Variants in CROCC2 observed in about 807,000 individuals in gnomAD.
CROCC2 encodes the protein ciliary rootlet coiled-coil, rootletin family member 2.
Under a neutral mutation model 177.6 loss-of-function variants are expected in CROCC2, and 163 were observed. The observed-to-expected ratio is 0.92, with a 90% CI of 0.81 to 1.05. The LOEUF is 1.05. Among genes scored for constraint, CROCC2 ranks in the 50% least tolerant of loss-of-function variants. The pLI is 0.00. For synonymous variants in CROCC2, 904 were observed against 787.3 expected (o/e 1.15, Z -2.48); for missense variants, 1,929 against 1,797.8 (o/e 1.07, Z -1.32).
chr2:240,950,065 C>T (rs1484014049), intron 17 of CROCC2, among the ~76,000 whole-genome samples: 2 of 152,194 alleles, frequency 1.3e-5, no homozygotes, highest in African/African-American at 4.8e-5. Context: ...TGTCTTTACA[C>T]CCCTCCGTGG....
At chr2:240,991,120 C>CCCT in intron 30 of CROCC2, 76 bp from the exon 31 acceptor site, 2 of 1,083,448 alleles carry the variant, frequency 1.8e-6, no homozygotes, top group Non-Finnish European at 2.6e-6. Flanking sequence ...TGTCACAGAG[C>CCCT]CCTCCATGCC....
rs916935542 is a variant in CROCC2 at position 240,933,213 on chromosome 2, G to A, written c.1334G>A (p.Trp445Ter). The A allele has an allele frequency of 1.3e-6, 2 of 1,549,652 alleles. No individual in the cohort carries two copies. The highest frequency in any genetic ancestry group is 1.7e-6 in the Non-Finnish European group (2 of 1,146,678). The change falls in exon 10 of 32, where the codon TGG (tryptophan) becomes TAG (stop). Residue 445 changes from tryptophan to a stop codon, truncating the protein, a stop_gained. Coordinates refer to ENST00000690015, the MANE Select transcript of CROCC2 (RefSeq NM_001351305.2). LOFTEE classifies it high-confidence loss of function. Reference sequence around the variant, plus strand: ...CTGTCCGAAAGCCGGCGGGAGCTGTGGGCCGCACAGAAGCTCCAGCAGGAG... The same window carrying A: ...CTGTCCGAAAGCCGGCGGGAGCTGTAGGCCGCACAGAAGCTCCAGCAGGAG... ...EQLSESRREL[W>*]AAQKLQQERA...
In CROCC2 at chr2:240,985,754, A is replaced by G. The variant is rs566730821; in HGVS notation, c.4551+2725A>G. On this transcript the variant is annotated intron_variant, in intron 28 of 31. Coordinates refer to ENST00000690015, the MANE Select transcript of CROCC2 (RefSeq NM_001351305.2). ...ACTCCACACACACACCCAGGCACTC[A>G]CTCCACACACACCCAGGCACTCAGC... 2.9e-4 allele frequency: 74 copies of G among 251,124 alleles called. 10 individuals are homozygous for G. The highest frequency in any genetic ancestry group is 2.6e-3 in the African/African-American group (69 of 26,826). 15.6% of individuals were successfully genotyped at this position (251,124 alleles called of 1,614,324 possible).
intron 15 of CROCC2, 121 bp downstream of exon 15, chr2:240,946,374 C>A: frequency 9.6e-7 from 1 of 1,037,390 alleles, no homozygotes; most frequent in Middle Eastern, 3.3e-4. Context: ...AGCGTGTGCC[C>A]ATGAAATGGG....
rs112827637 is a variant in CROCC2 at position 240,966,111 on chromosome 2, A to G, written c.3962-114A>G. ...GGGACTCGGACAGGCAATTGTAGGA[A>G]CCTGTGGCCGTCTCCCCAACCTCCC... On this transcript the variant is annotated intron_variant, in intron 24 of 31. Transcript: ENST00000690015. 14,640 of 1,262,616 alleles carry G rather than the reference A, an allele frequency of 0.012. 1,374 individuals are homozygous for G. In the African/African-American group the frequency reaches 0.2, roughly 17 times the overall value. The allele number at this position is 1,262,616 out of a possible 1,614,324, so 78.2% of individuals were successfully genotyped here.
At chr2:240,991,329 T>C in intron 31 of CROCC2, 51 bp downstream of exon 31, 1 of 1,486,252 alleles carries the variant, frequency 6.7e-7, no homozygotes, top group Non-Finnish European at 9.1e-7. Context: ...CAGCCCTGAC[T>C]GGCCAGGGGC....
At chr2:240,934,620 C>T (rs1344868867) in intron 12 of CROCC2, 145 bp downstream of exon 12, 3 of 908,286 alleles carry the variant, frequency 3.3e-6, no homozygotes, top group African/African-American at 3.4e-5. Context: ...CCAAAGTTCT[C>T]TCCCGTCCCC....
At chr2:240,913,521 G>T (rs2059300874) in intron 1 of CROCC2, among the ~76,000 whole-genome samples, 1 of 152,234 alleles carries the variant, frequency 6.6e-6, no homozygotes, top group African/African-American at 2.4e-5. Context: ...GAGCCTGTCT[G>T]TGTGCCAAGC....
At chr2:240,914,629 CG>C (rs1482204740) in intron 1 of CROCC2, among the ~76,000 whole-genome samples, 7 of 152,196 alleles carry the variant, frequency 4.6e-5, no homozygotes, top group Non-Finnish European at 1.0e-4. Context: ...TCAGGAGGTT[CG>C]CCCTCCACCC....
Position 240,958,238 on chromosome 2 carries a change from G to T in CROCC2, c.2944-1063G>T, listed in dbSNP as rs1367880856. On this transcript the variant is annotated intron_variant, in intron 19 of 31. Coordinates refer to ENST00000690015, the MANE Select transcript of CROCC2 (RefSeq NM_001351305.2). The surrounding 1 kb of genome is among the most constrained non-coding windows in gnomAD (Gnocchi z 6.7). Reference sequence around the variant, plus strand: ...CCATCGGGCTCCCAGCCGATGCCCTGTCCCTGAGGCCCTCACAGGGGTATC... The same window carrying T: ...CCATCGGGCTCCCAGCCGATGCCCTTTCCCTGAGGCCCTCACAGGGGTATC... The T allele has an allele frequency of 1.0e-6, 1 of 967,906 alleles. No individual in the cohort carries two copies. Among genetic ancestry groups the T allele is most frequent in the East Asian group, 1.1e-4 (1 of 8,746 alleles). 60.0% of individuals were successfully genotyped at this position (967,906 alleles called of 1,614,324 possible).
In CROCC2 at chr2:240,934,409, C is replaced by T. The variant is rs1322846447; in HGVS notation, c.1725C>T (p.Ser575=). The T allele has an allele frequency of 1.3e-6, 2 of 1,548,722 alleles. No homozygotes were observed. The highest frequency in any genetic ancestry group is 1.7e-6 in the Non-Finnish European group (2 of 1,146,900). The change falls in exon 12 of 32, where the codon AGC becomes AGT. Residue 575 remains serine (S), a synonymous_variant. Transcript: ENST00000690015. ...TGGCATCGGTCCGGGAGGCACTGAG[C>T]ACAGCACAGCTGCAGCGGGATGTCG... The part of the protein sequence containing the change: ...EELASVREAL[S]TAQLQRDVVE...
rs1294775214 is a variant in CROCC2, at chr2:240,968,170, G to T, written c.4309G>T (p.Ala1437Ser). 9 of 1,529,600 alleles carry T rather than the reference G, an allele frequency of 5.9e-6. No homozygotes were observed. The East Asian group carries it at 1.2e-4, about 21-fold the overall frequency. 94.8% of individuals were successfully genotyped at this position (1,529,600 alleles called of 1,614,324 possible). A position where few individuals can be genotyped will look rare whatever the true frequency, so the allele number is the denominator to read the frequency against. Residue 1437 changes from alanine to serine, a missense_variant, in exon 27 of 32, where the codon GCA becomes TCA. Ala to Ser is a moderately conservative substitution (Grantham distance 99). Around this residue, in one of 3 missense-constraint regions of CROCC2, gnomAD observed 388 missense variants for 352.7 expected, o/e 1.10. Transcript: ENST00000690015. ...GGGCGCGCTGAGCAGCGCCCGGGCA[G>T]CACGTGCCCTGCAGAAGGAGGCGCT... ...VEGALSSARAARALQKEALRR... is the reference protein window; with the variant it reads ...VEGALSSARASRALQKEALRR...
Position 240,949,194 on chromosome 2 carries a change from T to A in CROCC2, c.2482+97T>A, listed in dbSNP as rs1400109848. Reference sequence around the variant, plus strand: ...GTGCCCACACGTGCTGCACCCCCTCTCCGGAGCCCACAGGGGCATGAACAT... The same window carrying A: ...GTGCCCACACGTGCTGCACCCCCTCACCGGAGCCCACAGGGGCATGAACAT... On this transcript the variant is annotated intron_variant, in intron 16 of 31. Coordinates refer to ENST00000690015, the MANE Select transcript of CROCC2 (RefSeq NM_001351305.2). This position sits in a 1 kb window ranked among gnomAD's most constrained non-coding sequence, Gnocchi z 4.5. 6.9e-7 allele frequency: 1 copy of A among 1,445,676 alleles called. No individual in the cohort carries two copies. The highest frequency in any genetic ancestry group is 1.4e-5 in the African/African-American group (1 of 69,818). The allele number at this position is 1,445,676 out of a possible 1,614,324, so 89.6% of individuals were successfully genotyped here.
intron 4 of CROCC2, among the ~76,000 whole-genome samples, chr2:240,923,411 G>T (rs903444672): frequency 1.9e-4 from 28 of 151,258 alleles, no homozygotes; most frequent in Admixed American, 6.6e-5. Flanking sequence ...GGCTTATCAA[G>T]GGGGCCTCTG....
At chr2:240,990,013 G>A (rs2059867256) in intron 30 of CROCC2, among the ~76,000 whole-genome samples, 180 bp downstream of exon 30, 1 of 152,188 alleles carries the variant, frequency 6.6e-6, no homozygotes, top group Non-Finnish European at 1.5e-5. Flanking sequence ...GCTCTCGACG[G>A]CACGAGGTTT....
At chr2:240,910,679 A>G (rs11685002) in intron 1 of CROCC2, among the ~76,000 whole-genome samples, 30,782 of 152,068 alleles carry the variant, frequency 0.2, 3,211 homozygotes, top group East Asian at 0.23. Flanking sequence ...GTACCGGCTC[A>G]TAGTATTCTT....
At chr2:240,978,348 C>T (rs1255513629) in intron 27 of CROCC2, among the ~76,000 whole-genome samples, 1 of 44,356 alleles carries the variant, frequency 2.3e-5, no homozygotes, top group Non-Finnish European at 3.6e-5. Flanking sequence ...AGGCTCATCC[C>T]TGCTCAGTCT....
At chr2:240,975,904 T>C (rs2059759511) in intron 27 of CROCC2, among the ~76,000 whole-genome samples, 1 of 151,930 alleles carries the variant, frequency 6.6e-6, no homozygotes, top group South Asian at 2.1e-4. Flanking sequence ...TAATTTTTTG[T>C]ATTTTTAGTA....
chr2:240,929,112 T>C (rs1384746248), intron 5 of CROCC2, among the ~76,000 whole-genome samples: 1 of 151,780 alleles, frequency 6.6e-6, no homozygotes, highest in Non-Finnish European at 1.5e-5. Context: ...TATGGCCAGG[T>C]GTTATGGGCT....
Sources: gnomAD v4.1 joint callset for allele counts (sites outside exome capture counted in the v4.1 genomes callset) on GRCh38, gnomAD v4.1.1 for gene constraint, gnomAD v4.1.1 regional missense constraint, Gnocchi (gnomAD v3.1) non-coding constraint, MANE v1.5 for transcripts, NCBI Gene and HGNC (gene_info 2026-07-23, HGNC 2026-07-21) for gene names.